NBPF12: variants seen among roughly 807,000 people sequenced by gnomAD.
The protein encoded by NBPF12 is NBPF member 12.
Under a neutral mutation model 146.4 loss-of-function variants are expected in NBPF12, and 115 were observed. The observed-to-expected ratio is 0.79, with a 90% confidence interval of 0.68 to 0.92. The LOEUF is 0.92. NBPF12 is among the 40% of genes least tolerant of loss of function. The pLI is 0.00. For synonymous variants in NBPF12, 385 were observed against 508.9 expected (o/e 0.76, Z 3.28); for missense variants, 1,205 against 1,326.8 (o/e 0.91, Z 1.43).
At chr1:146,945,500 A>G (rs1205859661), upstream of NBPF12, among the ~76,000 whole-genome samples, 2 of 151,982 alleles carry the variant, frequency 1.3e-5, no homozygotes, top group Non-Finnish European at 2.9e-5. Flanking sequence ...GGTAAATGGC[A>G]TAGGCGTTGA....
At chr1:146,966,150 AAAATG>A (rs1341712149) in intron 8 of NBPF12, among the ~76,000 whole-genome samples, 3 of 151,990 alleles carry the variant, frequency 2.0e-5, no homozygotes, top group Non-Finnish European at 2.9e-5. Context: ...TTAAAAAAGC[AAAATG>A]AAATCTTTTG....
intron 11 of NBPF12, among the ~76,000 whole-genome samples, chr1:146,969,876 G>T (rs1294107537): frequency 2.0e-5 from 3 of 150,956 alleles, no homozygotes; most frequent in Non-Finnish European, 4.4e-5. Flanking sequence ...AGGCTGTGAT[G>T]GGAGGGCGCT....
Position 146,970,632 on chromosome 1 carries a change from A to G in NBPF12, c.1307-15A>G, listed in dbSNP as rs1656541194. 6.4e-7 allele frequency: 1 copy of G among 1,556,386 alleles called. No homozygotes were observed. The highest frequency in any genetic ancestry group is 8.8e-7 in the Non-Finnish European group (1 of 1,131,120). On this transcript the variant is annotated splice_polypyrimidine_tract_variant and intron_variant, in intron 11 of 33. Coordinates refer to ENST00000617844, the Ensembl canonical transcript of NBPF12. ...TGAAGTGGAAAATATCTGAACGAAC[A>G]TTTTGTATTTATAGAAAATGATGAA...
At chr1:146,994,483 A>C in exon 34 of NBPF12, 1 of 1,607,266 alleles carries the variant, frequency 6.2e-7, no homozygotes, top group Non-Finnish European at 8.5e-7. Context: ...ACAGCACATC[A>C]CCTTTGCCCT....
Position 146,973,717 on chromosome 1 carries a change from G to A in NBPF12, c.1801+757G>A, listed in dbSNP as rs1448919605. ...GCAGTAGAATCCTTTGAACCCAGGA[G>A]GCTGAGGTTGCAGTGAGCCAAGATT... is the stretch of plus-strand genomic sequence containing the variant. On this transcript the variant is annotated intron_variant, in intron 14 of 33. Transcript: ENST00000617844. Among the ~76,000 whole-genome samples, 14 of 147,984 alleles carry A rather than the reference G, an allele frequency of 9.5e-5. 1 individual carries two copies. The highest frequency in any genetic ancestry group is 3.6e-4 in the African/African-American group (14 of 38,988).
intron 13 of NBPF12, 69 bp from the exon 17 acceptor site, chr1:146,972,682 A>C (rs1446506049): frequency 8.1e-7 from 1 of 1,234,966 alleles, no homozygotes; most frequent in African/African-American, 1.5e-5. Context: ...GACATCCCTC[A>C]GTCCTGATTA....
At chr1:146,995,310 C>T (rs1367894306) in exon 34 of NBPF12, 2 of 129,946 alleles carry the variant, frequency 1.5e-5, no homozygotes, top group African/African-American at 6.3e-5. Flanking sequence ...ATGCCATGTT[C>T]TTGCAGAAAA....
chr1:146,963,597 G>A (rs1354916868), intron 6 of NBPF12, among the ~76,000 whole-genome samples: 26 of 151,912 alleles, frequency 1.7e-4, no homozygotes, highest in African/African-American at 5.3e-4. Context: ...ATGGGAGGGC[G>A]CTTGTTGGAG....
At chr1:146,953,053 C>A (rs1655395777) in intron 2 of NBPF12, among the ~76,000 whole-genome samples, 1 of 150,846 alleles carries the variant, frequency 6.6e-6, no homozygotes, top group African/African-American at 2.5e-5. Flanking sequence ...TCCTGTGGCG[C>A]CTCTCCTCTA....
chr1:146,965,033 T>C lies in NBPF12; in HGVS notation c.707T>C (p.Val236Ala), dbSNP rs1656099735. 13 of 1,608,558 alleles carry C rather than the reference T, an allele frequency of 8.1e-6. 1 individual carries two copies. The South Asian group carries it at 1.4e-4, about 18-fold the overall frequency. ...AAAATCACATTTGAGGAAGACAAAG[T>C]CAACTCAACTGTGGTTGTAGACAGA... Residue 236 changes from valine (V) to alanine (A), a missense_variant, in exon 8 of 34, where the codon GTC becomes GCC. This residue lies in a region of NBPF12 where 325 missense variants were observed against 236.6 expected (regional missense o/e 1.37). Transcript: ENST00000617844.
intron 1 of NBPF12, among the ~76,000 whole-genome samples, chr1:146,940,985 C>T (rs1654775146): frequency 1.3e-5 from 2 of 152,096 alleles, no homozygotes; most frequent in African/African-American, 4.8e-5. Flanking sequence ...TCTGGATATG[C>T]ATCCTTTCTA....
At chr1:146,945,598 A>T (rs1553883282), upstream of NBPF12, among the ~76,000 whole-genome samples, 81,883 of 145,930 alleles carry the variant, frequency 0.56, 23,643 homozygotes, top group East Asian at 0.8. Context: ...AACCTTGGTA[A>T]GGGGCTGCTG....
At chr1:146,942,471 C>T (rs1654850105) in intron 1 of NBPF12, among the ~76,000 whole-genome samples, 1 of 151,686 alleles carries the variant, frequency 6.6e-6, no homozygotes, top group Non-Finnish European at 1.5e-5. Flanking sequence ...CCACTGTATT[C>T]TCAGTACTTG....
chr1:146,964,920 A>C, exon 8 of NBPF12: 2 of 1,607,446 alleles, frequency 1.2e-6, no homozygotes, highest in East Asian at 4.5e-5. Flanking sequence ...AAGAGAGCAA[A>C]GTCCCTGAGG....
rs1301332939 is a variant in NBPF12 at position 146,943,916 on chromosome 1, A to G, written c.-550+354A>G. ...TGTTTCCACCCTGCTGTCCTCTTTC[A>G]CCTGCTTTCTCCTCTTCAGCTTTCA... On this transcript the variant is annotated intron_variant, in intron 2 of 35. Coordinates refer to the NBPF12 transcript ENST00000617931. Among the ~76,000 whole-genome samples the G allele has an allele frequency of 1.6e-3, 216 of 133,590 alleles. 1 individual carries two copies. Among genetic ancestry groups the G allele is most frequent in the Non-Finnish European group, 2.3e-3 (147 of 63,528 alleles). The allele number at this position is 133,590 out of a possible 152,430, so 87.6% of individuals were successfully genotyped here.
chr1:146,981,185 A>G (rs1191792247), intron 19 of NBPF12, among the ~76,000 whole-genome samples: 1 of 136,094 alleles, frequency 7.3e-6, no homozygotes, highest in Non-Finnish European at 1.6e-5. Flanking sequence ...ATGTTAAATG[A>G]TGAGTTAATG....
intron 2 of NBPF12, among the ~76,000 whole-genome samples, chr1:146,955,213 T>C (rs1655531324): frequency 1.7e-5 from 1 of 57,814 alleles, no homozygotes; most frequent in Non-Finnish European, 3.3e-5. Context: ...TCCATAAGAA[T>C]GGCTAAAATT....
rs1279640301 is a variant in NBPF12, at chr1:146,940,885, C to T, written c.-822+1903C>T. On this transcript the variant is annotated intron_variant, in intron 1 of 35. Coordinates refer to the NBPF12 transcript ENST00000617931. ...ATTGAGATTGAGTATCTTTTATTGCCATTTATATGTCCTCTTTCATGAAGT... is the reference window on the plus strand; with the variant it reads ...ATTGAGATTGAGTATCTTTTATTGCTATTTATATGTCCTCTTTCATGAAGT... Among the ~76,000 whole-genome samples, 910 of 151,866 alleles carry T rather than the reference C, an allele frequency of 6.0e-3. 10 individuals carry two copies. Among genetic ancestry groups the T allele is most frequent in the African/African-American group, 0.021 (857 of 41,276 alleles).
intron 13 of NBPF12, among the ~76,000 whole-genome samples, chr1:146,972,447 C>T (rs1251148494): frequency 6.6e-6 from 1 of 151,382 alleles, no homozygotes; most frequent in South Asian, 2.1e-4. Flanking sequence ...AAAATGAAAT[C>T]TTTTGTGCTA....
Sources: allele counts gnomAD v4.1 joint callset (sites outside exome capture counted in the v4.1 genomes callset), GRCh38; gene constraint gnomAD v4.1.1; regional missense constraint gnomAD v4.1.1; transcripts MANE v1.5; gene names NCBI Gene and HGNC (gene_info 2026-07-23, HGNC 2026-07-21).